CD82: variants seen among roughly 807,000 people sequenced by gnomAD.
CD82 encodes the protein CD82 molecule.
In CD82, 36 loss-of-function variants were observed where a neutral mutation model predicts 37.4. The observed-to-expected ratio is 0.96, with a 90% CI of 0.74 to 1.27. CD82 has a LOEUF of 1.27. Ranked by LOEUF, CD82 falls within the 50% of genes most tolerant of loss-of-function variation. The probability of loss-of-function intolerance (pLI) is 0.00; values close to 1 mark genes in which losing one functional copy is unlikely to be tolerated. For missense variants in CD82, 340 were observed against 347.0 expected, an observed-to-expected ratio of 0.98 and a Z score of 0.16; for synonymous variants, 158 against 137.4, an observed-to-expected ratio of 1.15 and a Z score of -1.05.
chr11:44,584,886 G>A (rs1323766342), intron 1 of CD82, among the ~76,000 whole-genome samples: 1 of 152,240 alleles, frequency 6.6e-6, no homozygotes, highest in Admixed American at 6.5e-5. Context: ...GGACCAGAGA[G>A]CTGGTGGCCA....
intron 1 of CD82, among the ~76,000 whole-genome samples, chr11:44,577,503 C>T (rs1852914292): frequency 6.6e-6 from 1 of 152,070 alleles, no homozygotes; most frequent in African/African-American, 2.4e-5. Context: ...AGAGCAGGGC[C>T]TGTGGCTGGT....
chr11:44,567,881 GAT>G (rs1359653058), intron 1 of CD82, among the ~76,000 whole-genome samples: 1 of 152,228 alleles, frequency 6.6e-6, no homozygotes, highest in Non-Finnish European at 1.5e-5. Flanking sequence ...CCAGAATGAA[GAT>G]AGTGTCTTGA....
chr11:44,618,766 C>A, intron 9 of CD82, 43 bp downstream of exon 9: 2 of 1,536,064 alleles, frequency 1.3e-6, no homozygotes, highest in Non-Finnish European at 1.8e-6. Context: ...CCAGGTCCTC[C>A]TGGGTTGTCT....
intron 1 of CD82, among the ~76,000 whole-genome samples, chr11:44,575,928 G>A (rs1053776891): frequency 1.2e-4 from 19 of 152,194 alleles, no homozygotes; most frequent in Non-Finnish European, 2.5e-4. Context: ...TGGAACCCTG[G>A]CGCTGTCACG....
rs929853588 is a variant in CD82 at position 44,601,909 on chromosome 11, C to T, written c.136+1679C>T. ...ACTAGGCACTTGTGTAAACTGAGGCCGGGGGTGGGGAAAAATGACTTGCTA... is the reference window on the plus strand; with the variant it reads ...ACTAGGCACTTGTGTAAACTGAGGCTGGGGGTGGGGAAAAATGACTTGCTA... On this transcript the variant is annotated intron_variant, in intron 4 of 9. Coordinates refer to ENST00000227155, the MANE Select transcript of CD82 (RefSeq NM_002231.4). Among the ~76,000 whole-genome samples the T allele has an allele frequency of 1.1e-4, 17 of 152,062 alleles. 1 individual carries two copies. Among genetic ancestry groups the T allele is most frequent in the East Asian group, 5.8e-4 (3 of 5,190 alleles).
chr11:44,610,439 A>T (rs988997483), intron 6 of CD82, among the ~76,000 whole-genome samples: 2 of 152,356 alleles, frequency 1.3e-5, no homozygotes, highest in Non-Finnish European at 2.9e-5. Flanking sequence ...AGCAGAGCCT[A>T]AAAAAGCATG....
In CD82 at chr11:44,615,340, C is replaced by T. The variant is rs929887928; in HGVS notation, c.405C>T (p.Ser135=). Residue 135 remains serine, a synonymous_variant, in exon 7 of 10, where the codon AGC becomes AGT. Transcript: ENST00000227155. ...IRDYNSSRED[S]LQDAWDYVQA... ...ACTACAACAGCAGTCGCGAGGACAG[C>T]CTGCAGGATGCCTGGGACTACGTGC... 3 of 1,613,276 alleles carry T rather than the reference C, an allele frequency of 1.9e-6. No homozygotes were observed. The highest frequency in any genetic ancestry group is 8.5e-7 in the Non-Finnish European group (1 of 1,179,346).
chr11:44,618,610 G>A, intron 8 of CD82, 30 bp from the exon 9 acceptor site: 1 of 1,573,762 alleles, frequency 6.4e-7, no homozygotes, highest in Non-Finnish European at 8.7e-7. Context: ...GTGCAGAGCG[G>A]GGTGATGTGA....
chr11:44,602,568 G>A, intron 4 of CD82, among the ~76,000 whole-genome samples: 1 of 152,208 alleles, frequency 6.6e-6, no homozygotes, highest in East Asian at 1.9e-4. Context: ...GTCAGAGTGT[G>A]TTGGCAGCAG....
At chr11:44,578,534 C>T (rs764491579) in intron 1 of CD82, among the ~76,000 whole-genome samples, 1 of 152,190 alleles carries the variant, frequency 6.6e-6, no homozygotes, top group Non-Finnish European at 1.5e-5. Context: ...CACCACACTT[C>T]CCTTTATTGT....
At chr11:44,587,154 G>A (rs915328226) in intron 1 of CD82, 5 of 340,054 alleles carry the variant, frequency 1.5e-5, no homozygotes, top group Non-Finnish European at 2.3e-5. Context: ...TAGATTGGGT[G>A]TTTAGGGAGG....
chr11:44,605,800 G>A (rs997685151), intron 6 of CD82, among the ~76,000 whole-genome samples: 20 of 152,196 alleles, frequency 1.3e-4, no homozygotes, highest in Admixed American at 4.6e-4. Context: ...AACACATAGC[G>A]CATGGCACCA....
chr11:44,567,090 C>T lies in CD82; in HGVS notation c.-103+1354C>T, dbSNP rs182811452. ...AGGGCTCCCCCATCCCTACCATGTC[C>T]CTGTAGAGAGGATCAGTCACACCCA... On this transcript the variant is annotated intron_variant, in intron 1 of 9. Coordinates refer to ENST00000227155, the MANE Select transcript of CD82 (RefSeq NM_002231.4). 1.5e-3 allele frequency among the ~76,000 whole-genome samples: 229 copies of T among 152,294 alleles called. 1 individual carries two copies. The highest frequency in any genetic ancestry group is 3.9e-3 in the Admixed American group (60 of 15,298).
chr11:44,606,657 T>A (rs1178483888), intron 6 of CD82: 1 of 152,262 alleles, frequency 6.6e-6, no homozygotes, highest in African/African-American at 2.4e-5. Context: ...AGTTATCACG[T>A]AAGAAGCACC....
intron 6 of CD82, among the ~76,000 whole-genome samples, 154 bp from the exon 7 acceptor site, chr11:44,615,118 C>T (rs1303218015): frequency 6.6e-6 from 1 of 152,112 alleles, no homozygotes; most frequent in Admixed American, 6.5e-5. Context: ...CTGCCTGCAT[C>T]GGGCACCCTG....
chr11:44,611,983 G>A (rs1236705829), intron 6 of CD82, among the ~76,000 whole-genome samples: 1 of 152,234 alleles, frequency 6.6e-6, no homozygotes, highest in Non-Finnish European at 1.5e-5. Context: ...AACATGTTGT[G>A]AGGAAGCTGG....
intron 7 of CD82, 114 bp from the exon 8 acceptor site, chr11:44,618,048 G>T: frequency 1.2e-6 from 1 of 814,002 alleles, no homozygotes; most frequent in Non-Finnish European, 2.0e-6. Context: ...GGGACCAGGG[G>T]CCTGGAAGTG....
chr11:44,600,344 T>C (rs1194754487), intron 4 of CD82, 114 bp downstream of exon 4: 2 of 981,430 alleles, frequency 2.0e-6, no homozygotes, highest in East Asian at 2.5e-5. Context: ...CTTTTCCCGC[T>C]GACCTCAGGG....
chr11:44,616,015 G>T (rs1023891247), intron 7 of CD82, among the ~76,000 whole-genome samples: 1 of 152,144 alleles, frequency 6.6e-6, no homozygotes, highest in Non-Finnish European at 1.5e-5. Flanking sequence ...ATGACCACCT[G>T]GCTCTCCTTT....
Sources: gnomAD v4.1 joint callset for allele counts (sites outside exome capture counted in the v4.1 genomes callset) on GRCh38, gnomAD v4.1.1 for gene constraint, MANE v1.5 for transcripts, NCBI Gene and HGNC (gene_info 2026-07-23, HGNC 2026-07-21) for gene names.